The following ANKRD42 variants were observed in gnomAD, a reference collection of about 807,000 sequenced individuals.
The protein encoded by ANKRD42 is ankyrin repeat domain-containing protein 42.
A neutral mutation model predicts 51.5 loss-of-function variants in ANKRD42; 43 were observed. The ratio of observed to expected loss-of-function variants is 0.83; its 90% CI spans 0.65 to 1.08. The LOEUF (loss-of-function observed/expected upper bound fraction) is 1.08, where lower values mean the gene tolerates loss of function less well. Among genes scored for constraint, ANKRD42 ranks in the 50% least tolerant of loss-of-function variants. The probability of loss-of-function intolerance (pLI) is 0.00; values close to 1 mark genes in which losing one functional copy is unlikely to be tolerated. For missense variants in ANKRD42, 608 were observed against 629.3 expected (o/e 0.97, Z 0.36); for synonymous variants, 203 against 213.0 (o/e 0.95, Z 0.41).
intron 8 of ANKRD42, 114 bp from the exon 9 acceptor site, chr11:83,240,645 G>A (rs1022294296): frequency 4.3e-6 from 5 of 1,170,480 alleles, no homozygotes; most frequent in Non-Finnish European, 6.0e-6. Flanking sequence ...TCCTTGGCTG[G>A]TGAGTGGATT....
At chr11:83,218,852 G>T (rs1002026560) in intron 5 of ANKRD42, among the ~76,000 whole-genome samples, 6 of 152,182 alleles carry the variant, frequency 3.9e-5, no homozygotes, top group Non-Finnish European at 8.8e-5. Context: ...AAGAAAGCCT[G>T]TACATAAGGG....
intron 5 of ANKRD42, chr11:83,213,154 G>A: frequency 1.2e-6 from 2 of 1,601,824 alleles, no homozygotes; most frequent in Non-Finnish European, 1.7e-6. Flanking sequence ...GAAGGTTCAA[G>A]GACCAATCTT....
chr11:83,249,107 C>T, downstream of ANKRD42: 1 of 565,494 alleles, frequency 1.8e-6, no homozygotes, highest in Non-Finnish European at 2.2e-6. Flanking sequence ...TTATAACTCA[C>T]TGCTTCCAAT....
chr11:83,215,610 G>C (rs1367459298), intron 5 of ANKRD42, among the ~76,000 whole-genome samples: 1 of 151,952 alleles, frequency 6.6e-6, no homozygotes, highest in Non-Finnish European at 1.5e-5. Context: ...GTAAATATAG[G>C]TTTTTGCATT....
chr11:83,252,848 A>G (rs1863698659), downstream of ANKRD42, among the ~76,000 whole-genome samples: 1 of 151,426 alleles, frequency 6.6e-6, no homozygotes, highest in African/African-American at 2.4e-5. Flanking sequence ...AGTATAATAT[A>G]TATTTAGATA....
chr11:83,248,419 T>A lies in ANKRD42; in HGVS notation c.*215T>A. On this transcript the variant is annotated 3_prime_UTR_variant, in exon 11 of 11. Transcript: ENST00000533342. ...ACAGCAGCCTAGTTCATAAGTATTA[T>A]TGTTAACATTGTACCATAGAAGGAG... 1 of 1,245,096 alleles carries A rather than the reference T, an allele frequency of 8.0e-7. No individual in the cohort carries two copies. The highest frequency in any genetic ancestry group is 1.0e-6 in the Non-Finnish European group (1 of 997,426). 77.1% of individuals were successfully genotyped at this position (1,245,096 alleles called of 1,614,324 possible).
At chr11:83,261,911 C>T, downstream of ANKRD42, 4 of 1,601,902 alleles carry the variant, frequency 2.5e-6, no homozygotes, top group East Asian at 6.8e-5. Context: ...AGCATTAATA[C>T]TACTTCCAGA....
intron 10 of ANKRD42, among the ~76,000 whole-genome samples, chr11:83,245,873 G>A (rs1863526943): frequency 1.3e-5 from 2 of 152,102 alleles, no homozygotes; most frequent in African/African-American, 2.4e-5. Context: ...CATTCCCATC[G>A]TTGTGCAACC....
At chr11:83,220,456 A>G (rs2135520893) in intron 5 of ANKRD42, among the ~76,000 whole-genome samples, 1 of 152,308 alleles carries the variant, frequency 6.6e-6, no homozygotes, top group African/African-American at 2.4e-5. Context: ...AGGCTCGCCA[A>G]AATGTAATGC....
At position 83,236,400 on chromosome 11, in the gene ANKRD42, A is replaced by G. The variant is rs375509184; in HGVS notation, c.914-4A>G. The G allele has an allele frequency of 1.3e-6, 2 of 1,584,888 alleles. No individual in the cohort carries two copies. Among genetic ancestry groups the G allele is most frequent in the African/African-American group, 2.7e-5 (2 of 73,304 alleles). On this transcript the variant is annotated splice_region_variant and splice_polypyrimidine_tract_variant and intron_variant, in intron 7 of 10. Coordinates refer to ENST00000533342, the MANE Select transcript of ANKRD42 (RefSeq NM_001300975.2). ...TTCCTGTTCTTTTTCCTTTTTTTGA[A>G]CAGCTGCTGGACAAGGCCACATAGA...
chr11:83,256,433 T>TG (rs1240758902), downstream of ANKRD42, among the ~76,000 whole-genome samples: 1 of 152,198 alleles, frequency 6.6e-6, no homozygotes, highest in Non-Finnish European at 1.5e-5. Flanking sequence ...AAGAAACACT[T>TG]GGCTTTATTT....
chr11:83,222,665 G>A lies in ANKRD42; in HGVS notation c.587-2190G>A, dbSNP rs76589474. ...TAAATCTCCTGAGGGAGGGATGTGC[G>A]TGGTGTGTATGAGTAATAGTAAGTC... is the stretch of plus-strand genomic sequence containing the variant. On this transcript the variant is annotated intron_variant, in intron 5 of 10. Transcript: ENST00000533342. 9.4e-3 allele frequency among the ~76,000 whole-genome samples: 1,429 copies of A among 152,276 alleles called. 23 individuals carry two copies. The highest frequency in any genetic ancestry group is 0.032 in the African/African-American group (1,319 of 41,540).
chr11:83,225,081 G>T (rs1181189040), intron 6 of ANKRD42, 26 bp downstream of exon 6: 1 of 1,546,078 alleles, frequency 6.5e-7, no homozygotes, highest in Non-Finnish European at 8.9e-7. Flanking sequence ...ATATGTTCTA[G>T]CATATAATGT....
At chr11:83,245,326 A>G (rs1357901030) in intron 9 of ANKRD42, among the ~76,000 whole-genome samples, 172 bp from the exon 10 acceptor site, 13 of 152,180 alleles carry the variant, frequency 8.5e-5, no homozygotes, top group African/African-American at 2.4e-4. Context: ...TCATTTTAGT[A>G]TTCTGTTACT....
At chr11:83,232,982 C>A (rs1356991026) in intron 7 of ANKRD42, among the ~76,000 whole-genome samples, 1 of 151,990 alleles carries the variant, frequency 6.6e-6, no homozygotes, top group Admixed American at 6.6e-5. Flanking sequence ...ATTTGGTTTG[C>A]TAGTATTTTG....
In ANKRD42 at chr11:83,206,136, G is replaced by A; in HGVS notation, c.301G>A (p.Ala101Thr). Reference sequence around the variant, plus strand: ...AGGTTGGACAGCATCTCACATAGCTGCAATCAGGGGTCAGGATGCTTGTGT... The same window carrying A: ...AGGTTGGACAGCATCTCACATAGCTACAATCAGGGGTCAGGATGCTTGTGT... Reference protein sequence around the residue: ...TRGWTASHIAAIRGQDACVQA... With the variant: ...TRGWTASHIATIRGQDACVQA... Residue 101 changes from alanine (A) to threonine (T), a missense_variant, in exon 3 of 11, where the codon GCA (alanine) becomes ACA (threonine). Ala to Thr is a moderately conservative substitution (Grantham distance 58). Coordinates refer to ENST00000533342, the MANE Select transcript of ANKRD42 (RefSeq NM_001300975.2). The A allele has an allele frequency of 3.1e-6, 5 of 1,613,914 alleles. No individual in the cohort carries two copies. The highest frequency in any genetic ancestry group is 3.4e-6 in the Non-Finnish European group (4 of 1,179,808).
intron 5 of ANKRD42, among the ~76,000 whole-genome samples, chr11:83,219,583 CCT>C (rs766474498): frequency 2.0e-5 from 3 of 152,156 alleles, no homozygotes; most frequent in African/African-American, 7.2e-5. Flanking sequence ...GGAGTAAGCC[CCT>C]CTCTCAAGGC....
intron 7 of ANKRD42, among the ~76,000 whole-genome samples, chr11:83,229,368 G>T (rs2135534628): frequency 6.6e-6 from 1 of 152,118 alleles, no homozygotes; most frequent in Non-Finnish European, 1.5e-5. Context: ...AATTTTGAGG[G>T]GAACACAATT....
At chr11:83,223,867 G>A (rs917501917) in intron 5 of ANKRD42, among the ~76,000 whole-genome samples, 9 of 151,994 alleles carry the variant, frequency 5.9e-5, no homozygotes, top group Non-Finnish European at 1.2e-4. Context: ...TTTCCCAAGC[G>A]GTCATTTCTT....
Sources: allele counts gnomAD v4.1 joint callset (sites outside exome capture counted in the v4.1 genomes callset), GRCh38; gene constraint gnomAD v4.1.1; transcripts MANE v1.5; gene names NCBI Gene and HGNC (gene_info 2026-07-23, HGNC 2026-07-21).